Variants in CFAP52 observed in about 807,000 individuals in gnomAD.
CFAP52 encodes the protein cilia and flagella associated protein 52.
Under a neutral mutation model 70.5 loss-of-function variants are expected in CFAP52, and 57 were observed. The ratio of observed to expected loss-of-function variants is 0.81; its 90% confidence interval spans 0.65 to 1.01. The LOEUF (loss-of-function observed/expected upper bound fraction) is 1.01, where lower values mean the gene tolerates loss of function less well. Among genes scored for constraint, CFAP52 ranks in the 50% least tolerant of loss-of-function variants. CFAP52 has a pLI of 0.00. For missense variants in CFAP52, 785 were observed against 788.5 expected, an observed-to-expected ratio of 1.00 and a Z score of 0.05; for synonymous variants, 267 against 292.5, an observed-to-expected ratio of 0.91 and a Z score of 0.89.
At position 9,628,021 on chromosome 17, in the gene CFAP52, A is replaced by G. The variant is rs538649196; in HGVS notation, c.1026-651A>G. 2.0e-5 allele frequency among the ~76,000 whole-genome samples: 3 copies of G among 152,274 alleles called. No individual in the cohort carries two copies. In the East Asian group the frequency reaches 5.8e-4, roughly 29 times the overall value. On this transcript the variant is annotated intron_variant, in intron 8 of 13. Coordinates refer to ENST00000352665, the MANE Select transcript of CFAP52 (RefSeq NM_145054.5). ...AGTGCTGGGATTACAGGTGTCAGCC[A>G]CCATATCAGGCCTCAATAAAGTAGT...
At chr17:9,607,992 A>G (rs1909563010) in intron 6 of CFAP52, 127 bp from the exon 7 acceptor site, 1 of 632,922 alleles carries the variant, frequency 1.6e-6, no homozygotes, top group African/African-American at 1.9e-5. Context: ...TTTTTCATTA[A>G]TATTTAAAAT....
chr17:9,604,896 G>A (rs1230805473), intron 6 of CFAP52, among the ~76,000 whole-genome samples: 1 of 152,074 alleles, frequency 6.6e-6, no homozygotes, highest in African/African-American at 2.4e-5. Context: ...AATGAGGCAC[G>A]ACTACATACC....
At chr17:9,611,492 C>A (rs1453556472) in intron 7 of CFAP52, among the ~76,000 whole-genome samples, 2 of 151,968 alleles carry the variant, frequency 1.3e-5, no homozygotes, top group African/African-American at 4.8e-5. Flanking sequence ...GTAGCTGGGA[C>A]TATAGGTGCG....
intron 9 of CFAP52, among the ~76,000 whole-genome samples, chr17:9,632,082 T>G (rs1428189806): frequency 6.6e-6 from 1 of 150,462 alleles, no homozygotes; most frequent in East Asian, 2.0e-4. Context: ...CTCCACTTTT[T>G]TTTTTCTTTT....
At position 9,586,807 on chromosome 17, in the gene CFAP52, T is replaced by G; in HGVS notation, c.380T>G (p.Val127Gly). The change falls in exon 3 of 14, where the codon GTA (valine) becomes GGA (glycine). Residue 127 changes from valine (V) to glycine (G), a missense_variant. Coordinates refer to ENST00000352665, the MANE Select transcript of CFAP52 (RefSeq NM_145054.5). ...TTTTCTCCAAATGATTTGTACTTGG[T>G]ATCACTAGGAGGCCCAGATGACGGA... is the stretch of plus-strand genomic sequence containing the variant. ...LAFSPNDLYLVSLGGPDDGSV... is the reference protein window; with the variant it reads ...LAFSPNDLYLGSLGGPDDGSV... 6.2e-7 allele frequency: 1 copy of G among 1,612,300 alleles called. No homozygotes were observed. Among genetic ancestry groups the G allele is most frequent in the Non-Finnish European group, 8.5e-7 (1 of 1,179,416 alleles).
intron 9 of CFAP52, among the ~76,000 whole-genome samples, chr17:9,630,132 C>T (rs183762473): frequency 3.2e-4 from 49 of 152,016 alleles, no homozygotes; most frequent in African/African-American, 1.1e-3. Flanking sequence ...CCCTCATTAT[C>T]TTCCCCCTTA....
At chr17:9,628,918 G>T in intron 9 of CFAP52, 98 bp downstream of exon 9, 1 of 1,541,786 alleles carries the variant, frequency 6.5e-7, no homozygotes, top group South Asian at 1.2e-5. Context: ...GGATAACCTA[G>T]AACAGCCTCC....
At chr17:9,581,766 G>A (rs1908237685) in intron 1 of CFAP52, among the ~76,000 whole-genome samples, 1 of 152,208 alleles carries the variant, frequency 6.6e-6, no homozygotes, top group South Asian at 2.1e-4. Flanking sequence ...GCCTAAAAGA[G>A]GCACATATTT....
intron 4 of CFAP52, 96 bp downstream of exon 4, chr17:9,594,417 A>C (rs1363939895): frequency 6.9e-7 from 1 of 1,457,446 alleles, no homozygotes; most frequent in Non-Finnish European, 9.2e-7. Context: ...ACACGTCTTT[A>C]GTCCTGGATA....
chr17:9,600,020 C>A (rs374683747), intron 5 of CFAP52, 47 bp from the exon 6 acceptor site: 64 of 1,540,344 alleles, frequency 4.2e-5, no homozygotes, highest in Non-Finnish European at 5.4e-5. Flanking sequence ...ATATTACAGG[C>A]GTGAGCCACC....
intron 3 of CFAP52, among the ~76,000 whole-genome samples, chr17:9,589,164 G>A (rs1908630391): frequency 6.6e-6 from 1 of 152,164 alleles, no homozygotes. Flanking sequence ...ACATTCCTAT[G>A]TAAATGTCAA....
chr17:9,576,716 G>A lies in CFAP52; in HGVS notation c.21G>A (p.Pro7=). Residue 7 remains proline, a synonymous_variant, in exon 1 of 14, where the codon CCG becomes CCA. Transcript: ENST00000352665. MDNKIS[P]EAQVAELELD... is the part of the protein sequence containing the mutation. ...CAAGGATGGATAACAAAATTTCGCC[G>A]GAGGCCCAAGTGGCGGAGCTGGAAC... 6.2e-7 allele frequency: 1 copy of A among 1,612,046 alleles called. No homozygotes were observed. Among genetic ancestry groups the A allele is most frequent in the Non-Finnish European group, 8.5e-7 (1 of 1,179,026 alleles).
intron 3 of CFAP52, among the ~76,000 whole-genome samples, chr17:9,589,468 C>A (rs1263390900): frequency 6.6e-6 from 1 of 152,046 alleles, no homozygotes; most frequent in East Asian, 1.9e-4. Flanking sequence ...TGTGGCAGCT[C>A]ACGCCTGAAA....
At chr17:9,613,780 A>G (rs1909800215) in intron 8 of CFAP52, among the ~76,000 whole-genome samples, 1 of 151,798 alleles carries the variant, frequency 6.6e-6, no homozygotes, top group Non-Finnish European at 1.5e-5. Flanking sequence ...CAGCCTCCCA[A>G]GGTGTTGGGA....
intron 8 of CFAP52, among the ~76,000 whole-genome samples, chr17:9,616,230 G>C (rs1468432243): frequency 6.7e-6 from 1 of 150,032 alleles, no homozygotes; most frequent in East Asian, 2.0e-4. Context: ...GTCAAAGAAA[G>C]GGGTGACGGA....
chr17:9,591,251 TG>T (rs1908746528), intron 3 of CFAP52, among the ~76,000 whole-genome samples: 1 of 151,924 alleles, frequency 6.6e-6, no homozygotes, highest in African/African-American at 2.4e-5. Context: ...TTGGTCAGGC[TG>T]GTCTCGAACT....
intron 12 of CFAP52, among the ~76,000 whole-genome samples, chr17:9,641,182 T>C (rs1911039572): frequency 6.6e-6 from 1 of 152,198 alleles, no homozygotes; most frequent in Non-Finnish European, 1.5e-5. Flanking sequence ...GGAACCAAGG[T>C]TACCAGTTCC....
Position 9,616,255 on chromosome 17 carries a change from C to T in CFAP52, c.1025+3776C>T, listed in dbSNP as rs563637762. The stretch of plus-strand genomic sequence containing the variant: ...GGGGTGACGGACGCACCTGGAAAAT[C>T]GGGTCACTCCCACCCGAATATTGCG... On this transcript the variant is annotated intron_variant, in intron 8 of 13. Transcript: ENST00000352665. Among the ~76,000 whole-genome samples the T allele has an allele frequency of 1.2e-3, 182 of 146,998 alleles. 3 individuals are homozygous for T. Among genetic ancestry groups the T allele is most frequent in the African/African-American group, 3.9e-3 (151 of 39,058 alleles).
chr17:9,625,197 A>C (rs1307611753), intron 8 of CFAP52, among the ~76,000 whole-genome samples: 1 of 151,500 alleles, frequency 6.6e-6, no homozygotes, highest in Non-Finnish European at 1.5e-5. Context: ...CTTAAAAAAA[A>C]TCAATTAAAA....
Sources: allele counts gnomAD v4.1 joint callset (sites outside exome capture counted in the v4.1 genomes callset), GRCh38; gene constraint gnomAD v4.1.1; transcripts MANE v1.5; gene names NCBI Gene and HGNC (gene_info 2026-07-23, HGNC 2026-07-21).